GALNT5: variants seen among roughly 807,000 people sequenced by gnomAD.
The protein encoded by GALNT5 is UDP-GalNAc:polypeptide N-acetylgalactosaminyltransferase 5.
In GALNT5, 72 loss-of-function variants were observed where a neutral mutation model predicts 85.4. The ratio of observed to expected loss-of-function variants is 0.84; its 90% CI spans 0.70 to 1.03. The LOEUF (loss-of-function observed/expected upper bound fraction) is 1.03. Ranked by LOEUF, GALNT5 falls within the 50% of genes least tolerant of loss-of-function variation. The probability of loss-of-function intolerance (pLI) is 0.00; values close to 1 mark genes in which losing one functional copy is unlikely to be tolerated. For synonymous variants in GALNT5, 404 were observed against 397.0 expected, an observed-to-expected ratio of 1.02 and a Z score of -0.21; for missense variants, 1,137 against 1,135.5, an observed-to-expected ratio of 1.00 and a Z score of -0.02.
chr2:157,301,033 A>G (rs986708474), intron 7 of GALNT5, 34 bp downstream of exon 7: 17 of 1,461,418 alleles, frequency 1.2e-5, no homozygotes, highest in African/African-American at 2.8e-5. Context: ...ATCTTACTCC[A>G]TAAAAACAAA....
intron 3 of GALNT5, among the ~76,000 whole-genome samples, chr2:157,286,893 AGTGTGTGTGTGTGTGTGTGT>A (rs3072178): frequency 1.5e-5 from 2 of 135,828 alleles, no homozygotes; most frequent in South Asian, 2.5e-4. Context: ...TTTAAATACC[AGTGTGTGTGTGTGTGTGTGT>A]GTGTGTGTGT....
chr2:157,285,989 C>A, intron 2 of GALNT5, 26 bp from the exon 3 acceptor site: 1 of 1,564,926 alleles, frequency 6.4e-7, no homozygotes, highest in South Asian at 1.1e-5. Flanking sequence ...TCAAGTATTT[C>A]CTGGTTTATC....
chr2:157,260,528 G>A (rs566536744), intron 1 of GALNT5, among the ~76,000 whole-genome samples: 13 of 152,260 alleles, frequency 8.5e-5, no homozygotes, highest in East Asian at 1.9e-4. Context: ...CTCAACAGCC[G>A]TATGTTCAAT....
chr2:157,282,836 G>A (rs1409785673), intron 1 of GALNT5, among the ~76,000 whole-genome samples: 5 of 152,154 alleles, frequency 3.3e-5, no homozygotes, highest in African/African-American at 4.8e-5. Flanking sequence ...CCCAAGATTT[G>A]AAGAAGTGTA....
In GALNT5 at chr2:157,315,081, A is replaced by T. The variant is rs916072525; in HGVS notation, c.*3733A>T. The stretch of plus-strand genomic sequence containing the variant: ...CAACAGAGCAAGACTCTATCTCAAA[A>T]AATAATAATAATAATTTTTACCTCA... On this transcript the variant is annotated 3_prime_UTR_variant, in exon 10 of 10. Coordinates refer to ENST00000259056, the MANE Select transcript of GALNT5 (RefSeq NM_014568.3). Among the ~76,000 whole-genome samples the T allele has an allele frequency of 3.3e-5, 5 of 152,098 alleles. No homozygotes were observed. The highest frequency in any genetic ancestry group is 2.1e-4 in the South Asian group (1 of 4,832).
chr2:157,257,858 C>G lies in GALNT5; in HGVS notation c.-225C>G. 1 of 567,864 alleles carries G rather than the reference C, an allele frequency of 1.8e-6. No individual in the cohort carries two copies. The allele number at this position is 567,864 out of a possible 1,614,324, so 35.2% of individuals were successfully genotyped here. On this transcript the variant is annotated 5_prime_UTR_variant, in exon 1 of 10. Coordinates refer to ENST00000259056, the MANE Select transcript of GALNT5 (RefSeq NM_014568.3). ...TTATCAGAACTTAGCCAGGGCCAGC[C>G]AAGCAGGCACAGATGCTCTGCTATG...
chr2:157,288,655 G>A (rs1683025663), intron 3 of GALNT5, among the ~76,000 whole-genome samples: 1 of 152,200 alleles, frequency 6.6e-6, no homozygotes, highest in Non-Finnish European at 1.5e-5. Context: ...CTTAAAGATT[G>A]TAGGCATTAT....
chr2:157,297,872 ATAT>A (rs750291613), intron 5 of GALNT5, among the ~76,000 whole-genome samples: 27 of 152,150 alleles, frequency 1.8e-4, no homozygotes, highest in Non-Finnish European at 8.8e-5. Flanking sequence ...TCCATGATCA[ATAT>A]TATTAGTGAA....
chr2:157,295,566 C>A, intron 3 of GALNT5, 97 bp from the exon 4 acceptor site: 1 of 891,538 alleles, frequency 1.1e-6, no homozygotes, highest in Non-Finnish European at 1.7e-6. Flanking sequence ...CATTTATAGC[C>A]ACATTTCTGG....
chr2:157,280,222 T>C (rs981453246), intron 1 of GALNT5, among the ~76,000 whole-genome samples: 3 of 152,212 alleles, frequency 2.0e-5, no homozygotes, highest in Non-Finnish European at 4.4e-5. Flanking sequence ...CAGTGAATAT[T>C]ACCTTCTGAA....
At chr2:157,309,454 A>G (rs1014368417) in intron 9 of GALNT5, among the ~76,000 whole-genome samples, 4 of 152,202 alleles carry the variant, frequency 2.6e-5, no homozygotes, top group African/African-American at 4.8e-5. Context: ...TCCCAATTAC[A>G]TTTTAACAGA....
intron 9 of GALNT5, among the ~76,000 whole-genome samples, chr2:157,309,783 G>T (rs547465175): frequency 6.6e-6 from 1 of 152,092 alleles, no homozygotes; most frequent in Non-Finnish European, 1.5e-5. Context: ...CTTCTCTGTT[G>T]TATTTCAATT....
chr2:157,308,637 A>G lies in GALNT5; in HGVS notation c.2591A>G (p.Asp864Gly), dbSNP rs1489646344. ...GAATGGTGTATAGCCCCCATCCCTG[A>G]TAAAGGAGCCGTAAGGCTGCACCCT... ...CGEWCIAPIP[D>G]KGAVRLHPCD... The change falls in exon 9 of 10, where the codon GAT becomes GGT. Residue 864 changes from aspartate (D) to glycine (G), a missense_variant. Physicochemically the swap from Asp to Gly is moderately conservative, Grantham distance 94 (BLOSUM62 -1). Coordinates refer to ENST00000259056, the MANE Select transcript of GALNT5 (RefSeq NM_014568.3). 1 of 1,613,606 alleles carries G rather than the reference A, an allele frequency of 6.2e-7. No homozygotes were observed. Among genetic ancestry groups the G allele is most frequent in the Admixed American group, 1.7e-5 (1 of 59,982 alleles).
chr2:157,285,920 C>A, intron 2 of GALNT5, 95 bp from the exon 3 acceptor site: 1 of 759,002 alleles, frequency 1.3e-6, no homozygotes, highest in South Asian at 1.8e-5. Context: ...ATGGTAATGT[C>A]ATAGTTTTTG....
chr2:157,262,207 T>TAAAA (rs535714685), intron 1 of GALNT5, among the ~76,000 whole-genome samples: 13 of 97,838 alleles, frequency 1.3e-4, no homozygotes, highest in African/African-American at 4.5e-4. Flanking sequence ...CCAAAAAATG[T>TAAAA]AAAAAAAAAA....
chr2:157,308,248 A>G (rs1683495272), intron 8 of GALNT5, among the ~76,000 whole-genome samples: 1 of 152,236 alleles, frequency 6.6e-6, no homozygotes, highest in South Asian at 2.1e-4. Context: ...AGACAGAATT[A>G]ATTGCACTGA....
chr2:157,266,136 T>A (rs1322659098), intron 1 of GALNT5, among the ~76,000 whole-genome samples: 1 of 152,214 alleles, frequency 6.6e-6, no homozygotes, highest in African/African-American at 2.4e-5. Context: ...TGCCTATCAA[T>A]CAGGAGCGGT....
At chr2:157,299,219 A>T (rs116229632) in intron 5 of GALNT5, 2 of 164,794 alleles carry the variant, frequency 1.2e-5, no homozygotes, top group Non-Finnish European at 2.6e-5. Flanking sequence ...GGGCTGGAAT[A>T]TATATATAAT....
Position 157,316,914 on chromosome 2 carries a change from G to A in GALNT5, c.*5566G>A, listed in dbSNP as rs1198067175. 6.6e-6 allele frequency among the ~76,000 whole-genome samples: 1 copy of A among 151,898 alleles called. No homozygotes were observed. The highest frequency in any genetic ancestry group is 1.5e-5 in the Non-Finnish European group (1 of 67,930). On this transcript the variant is annotated 3_prime_UTR_variant, in exon 10 of 10. Transcript: ENST00000259056. ...CACAAGGGAAAATTCTCATTTTCCAGCAAATACAGCAACTTCTAATATGCT... is the reference window on the plus strand; with the variant it reads ...CACAAGGGAAAATTCTCATTTTCCAACAAATACAGCAACTTCTAATATGCT...
Sources: gnomAD v4.1 joint callset for allele counts (sites outside exome capture counted in the v4.1 genomes callset) on GRCh38, gnomAD v4.1.1 for gene constraint, MANE v1.5 for transcripts, NCBI Gene and HGNC (gene_info 2026-07-23, HGNC 2026-07-21) for gene names.